Variants in TAOK3 observed in about 807,000 individuals in gnomAD.
TAOK3 encodes TAO kinase 3.
In TAOK3, 40 loss-of-function variants were observed where a neutral mutation model predicts 120.4. The ratio of observed to expected loss-of-function variants is 0.33; its 90% confidence interval spans 0.26 to 0.43. The LOEUF (loss-of-function observed/expected upper bound fraction) is 0.43, where lower values mean the gene tolerates loss of function less well. Ranked by LOEUF, TAOK3 falls within the 20% of genes least tolerant of loss-of-function variation. The pLI, the probability that TAOK3 is intolerant of heterozygous loss-of-function variation, is 1.00. For missense variants in TAOK3, 821 were observed against 1,112.1 expected, an observed-to-expected ratio of 0.74 and a Z score of 3.72; for synonymous variants, 355 against 387.5, an observed-to-expected ratio of 0.92 and a Z score of 0.99.
At position 118,315,512 on chromosome 12, in the gene TAOK3, C is replaced by T. The variant is rs1200686616; in HGVS notation, c.-193-48753G>A. On this transcript the variant is annotated intron_variant, in intron 1 of 20. Transcript: ENST00000392533. ...TACAAATGGTAAAAAGAATAATATG[C>T]ACCACCTTCAGGAGAGTAGATGGAT... is the stretch of plus-strand genomic sequence containing the variant. Among the ~76,000 whole-genome samples the T allele has an allele frequency of 2.0e-5, 3 of 152,030 alleles. No individual in the cohort carries two copies. In the East Asian group the frequency reaches 5.8e-4, roughly 29 times the overall value.
At chr12:118,318,207 G>C (rs958690777) in intron 1 of TAOK3, among the ~76,000 whole-genome samples, 23 of 150,370 alleles carry the variant, frequency 1.5e-4, no homozygotes, top group African/African-American at 5.2e-4. Flanking sequence ...CACCAGGCTG[G>C]AGCGCAATGA....
At chr12:118,229,000 C>A (rs1240056596) in intron 9 of TAOK3, among the ~76,000 whole-genome samples, 2 of 152,124 alleles carry the variant, frequency 1.3e-5, no homozygotes, top group Non-Finnish European at 2.9e-5. Flanking sequence ...TGGCTCACTG[C>A]GGCCTTGACT....
intron 17 of TAOK3, among the ~76,000 whole-genome samples, chr12:118,171,482 G>A (rs1347686500): frequency 3.9e-5 from 6 of 152,262 alleles, no homozygotes; most frequent in Admixed American, 2.6e-4. Context: ...TCAGTCTCCT[G>A]AGTAGCTGGG....
chr12:118,340,719 T>C (rs2044580152), intron 1 of TAOK3, among the ~76,000 whole-genome samples: 1 of 151,314 alleles, frequency 6.6e-6, no homozygotes, highest in South Asian at 2.1e-4. Flanking sequence ...AAACAAATCC[T>C]AAATAAATCA....
intron 17 of TAOK3, 116 bp from the exon 18 acceptor site, chr12:118,162,143 C>T: frequency 7.7e-7 from 1 of 1,305,480 alleles, no homozygotes; most frequent in Non-Finnish European, 1.1e-6. Context: ...CTTAATTAAA[C>T]CCATTAGTGT....
At chr12:118,268,733 GCA>G (rs925783228) in intron 1 of TAOK3, among the ~76,000 whole-genome samples, 1 of 152,174 alleles carries the variant, frequency 6.6e-6, no homozygotes, top group African/African-American at 2.4e-5. Flanking sequence ...TTTCAGCTAG[GCA>G]CAGTGGCTCA....
At chr12:118,291,094 G>A (rs1469284054) in intron 1 of TAOK3, among the ~76,000 whole-genome samples, 4 of 151,626 alleles carry the variant, frequency 2.6e-5, no homozygotes, top group African/African-American at 7.3e-5. Context: ...GACCTCAGGT[G>A]ATCTGTCTGC....
At chr12:118,243,195 G>A (rs573454933) in intron 5 of TAOK3, among the ~76,000 whole-genome samples, 19 of 152,138 alleles carry the variant, frequency 1.2e-4, no homozygotes, top group Admixed American at 2.0e-4. Context: ...CTCTTTCTGA[G>A]TGTTTATAGA....
At chr12:118,190,148 A>G in intron 13 of TAOK3, 1 of 559,898 alleles carries the variant, frequency 1.8e-6, no homozygotes, top group Non-Finnish European at 3.1e-6. Context: ...CGCTAGTGGG[A>G]TGCCTTCTGA....
chr12:118,277,195 G>C (rs1288677980), intron 1 of TAOK3, among the ~76,000 whole-genome samples: 1 of 152,178 alleles, frequency 6.6e-6, no homozygotes, highest in Non-Finnish European at 1.5e-5. Context: ...AGTATGGAAT[G>C]CTCATTCACC....
rs35462737 is a variant in TAOK3 at position 118,324,734 on chromosome 12, CTTTTTTTTTTTTTTTT to C, written c.-194+47898_-194+47913del. 8.2e-3 allele frequency among the ~76,000 whole-genome samples: 571 copies of C among 69,670 alleles called. 7 individuals carry two copies. In the Middle Eastern group the frequency reaches 0.094, roughly 12 times the overall value. 45.7% of individuals were successfully genotyped at this position (69,670 alleles called of 152,430 possible). On this transcript the variant is annotated intron_variant, in intron 1 of 20. Transcript: ENST00000392533. ...TTGTTGCAAAGGACAGAATTTCATT[CTTTTTTTTTTTTTTTT>C]TTTTTTTTTTTTGAGACGGAGTCTT... is the stretch of plus-strand genomic sequence containing the variant.
At chr12:118,311,600 T>A (rs1050562727) in intron 1 of TAOK3, among the ~76,000 whole-genome samples, 29 of 147,598 alleles carry the variant, frequency 2.0e-4, no homozygotes, top group African/African-American at 7.1e-4. Context: ...AAAGAATAAG[T>A]CTCATTTAGA....
chr12:118,242,534 G>A (rs2040297559), intron 5 of TAOK3, among the ~76,000 whole-genome samples: 1 of 152,106 alleles, frequency 6.6e-6, no homozygotes, highest in Non-Finnish European at 1.5e-5. Flanking sequence ...TGCCTAATGT[G>A]CCAACCTAAA....
intron 3 of TAOK3, among the ~76,000 whole-genome samples, chr12:118,245,410 G>A (rs2040448465): frequency 6.6e-6 from 1 of 152,002 alleles, no homozygotes; most frequent in African/African-American, 2.4e-5. Context: ...TCTGCCTCCC[G>A]GGTTCAAGCT....
chr12:118,226,437 G>A (rs1456773274), intron 9 of TAOK3, among the ~76,000 whole-genome samples: 1 of 151,886 alleles, frequency 6.6e-6, no homozygotes, highest in Non-Finnish European at 1.5e-5. Context: ...GGGAGGCTGA[G>A]GCAGGAGAAT....
chr12:118,332,772 TTTAAA>T (rs1417304433), intron 1 of TAOK3, among the ~76,000 whole-genome samples: 1 of 152,204 alleles, frequency 6.6e-6, no homozygotes, highest in African/African-American at 2.4e-5. Context: ...AGTTCCTTTA[TTTAAA>T]TTAACCATTT....
Position 118,212,952 on chromosome 12 carries a change from T to C in TAOK3, c.781A>G (p.Ile261Val), listed in dbSNP as rs2038704951. The change falls in exon 11 of 21, where the codon ATA becomes GTA. Residue 261 changes from isoleucine (I) to valine (V), a missense_variant. Physicochemically the swap from Ile to Val is conservative, Grantham distance 29. Coordinates refer to ENST00000392533, the MANE Select transcript of TAOK3 (RefSeq NM_016281.4). ...GCTGATGTTGGCCTTTCCTGAGGTA[T>C]TTTCTGCAAGCAGTAATCAACAAAT... ...RRFVDYCLQKIPQERPTSAEL... is the reference protein window; with the variant it reads ...RRFVDYCLQKVPQERPTSAEL... 1 of 1,612,970 alleles carries C rather than the reference T, an allele frequency of 6.2e-7. No homozygotes were observed. Among genetic ancestry groups the C allele is most frequent in the Non-Finnish European group, 8.5e-7 (1 of 1,179,730 alleles).
intron 1 of TAOK3, among the ~76,000 whole-genome samples, chr12:118,331,168 G>A (rs1302266317): frequency 6.6e-6 from 1 of 152,114 alleles, no homozygotes; most frequent in Non-Finnish European, 1.5e-5. Context: ...TCTAGAACAA[G>A]GTCTGTAATA....
chr12:118,338,228 T>A (rs934653784), intron 1 of TAOK3, among the ~76,000 whole-genome samples: 1 of 152,204 alleles, frequency 6.6e-6, no homozygotes, highest in Non-Finnish European at 1.5e-5. Flanking sequence ...TACAGAGAGA[T>A]ACTGAACAGA....
Sources: allele counts gnomAD v4.1 joint callset (sites outside exome capture counted in the v4.1 genomes callset), GRCh38; gene constraint gnomAD v4.1.1; transcripts MANE v1.5; gene names NCBI Gene and HGNC (gene_info 2026-07-23, HGNC 2026-07-21).